The following MICU1 variants were observed in gnomAD, a reference collection of about 807,000 sequenced individuals.
MICU1 encodes the protein mitochondrial calcium uptake 1.
MICU1 carries 45 observed loss-of-function variants against 56.8 expected under a neutral mutation model. That is an observed-to-expected ratio of 0.79 (90% CI 0.62 to 1.02). MICU1 has a LOEUF of 1.02. Ranked by LOEUF, MICU1 falls within the 50% of genes least tolerant of loss-of-function variation. MICU1 has a pLI of 0.00. For missense variants in MICU1, 504 were observed against 587.1 expected, an observed-to-expected ratio of 0.86 and a Z score of 1.46; for synonymous variants, 186 against 195.1, an observed-to-expected ratio of 0.95 and a Z score of 0.39.
At position 72,370,051 on chromosome 10, in the gene MICU1, T is replaced by C. The variant is rs539902963; in HGVS notation, c.1271-1696A>G. ...GCCATCATGCCCAGCTAATTTTTTT[T>C]GTATTTTTAGTAGAGATGGGTTTCA... On this transcript the variant is annotated intron_variant, in intron 11 of 11. Coordinates refer to ENST00000361114, the MANE Select transcript of MICU1 (RefSeq NM_001195518.2). 4.6e-5 allele frequency among the ~76,000 whole-genome samples: 7 copies of C among 152,266 alleles called. No homozygotes were observed. In the East Asian group the frequency reaches 7.7e-4, roughly 17 times the overall value.
At chr10:72,372,525 G>T (rs771280478) in intron 11 of MICU1, among the ~76,000 whole-genome samples, 18 of 151,858 alleles carry the variant, frequency 1.2e-4, no homozygotes, top group Non-Finnish European at 2.4e-4. Context: ...TTCTAAACAG[G>T]ATTCTTACAC....
chr10:72,600,135 T>C (rs942077965), intron 1 of MICU1, among the ~76,000 whole-genome samples: 1 of 150,774 alleles, frequency 6.6e-6, no homozygotes, highest in Non-Finnish European at 1.5e-5. Context: ...CTACCAAAAA[T>C]ACAAAAATTA....
At chr10:72,523,694 A>G in intron 5 of MICU1, 1 of 677,700 alleles carries the variant, frequency 1.5e-6, no homozygotes. Flanking sequence ...TATTTTTAAG[A>G]CTGCCAGCCA....
At chr10:72,485,881 T>TCACA (rs551067437) in intron 6 of MICU1, among the ~76,000 whole-genome samples, 23 of 147,756 alleles carry the variant, frequency 1.6e-4, no homozygotes, top group African/African-American at 5.2e-4. Context: ...AAAAGGTCAG[T>TCACA]CACACACACA....
chr10:72,421,016 A>AATAAT lies in MICU1; in HGVS notation c.1071+2217_1071+2218insATTAT, dbSNP rs780940697. Reference sequence around the variant, plus strand: ...AAACTCCGTCTCAAAAAAAAAAAAAAAATAATAATAATAATAATAATAATA... The same window carrying AATAAT: ...AAACTCCGTCTCAAAAAAAAAAAAAAATAATAATAATAATAATAATAATAATAATA... On this transcript the variant is annotated intron_variant, in intron 9 of 11. Coordinates refer to ENST00000361114, the MANE Select transcript of MICU1 (RefSeq NM_001195518.2). Among the ~76,000 whole-genome samples, 206 of 124,120 alleles carry AATAAT rather than the reference A, an allele frequency of 1.7e-3. 1 individual carries two copies. Among genetic ancestry groups the AATAAT allele is most frequent in the Middle Eastern group, 4.0e-3 (1 of 252 alleles). 81.4% of individuals were successfully genotyped at this position (124,120 alleles called of 152,430 possible).
At chr10:72,421,568 C>T (rs181541433) in intron 9 of MICU1, among the ~76,000 whole-genome samples, 33 of 152,316 alleles carry the variant, frequency 2.2e-4, no homozygotes, top group African/African-American at 6.5e-4. Flanking sequence ...AGCCACCGTG[C>T]GCAGCCACCA....
intron 8 of MICU1, among the ~76,000 whole-genome samples, chr10:72,440,857 C>A (rs540769211): frequency 6.6e-6 from 1 of 151,974 alleles, no homozygotes; most frequent in African/African-American, 2.4e-5. Flanking sequence ...GAGATACCAT[C>A]TCATGCCAGT....
At chr10:72,415,016 T>G (rs78066053) in intron 9 of MICU1, among the ~76,000 whole-genome samples, 1 of 146,568 alleles carries the variant, frequency 6.8e-6, no homozygotes, top group Non-Finnish European at 1.5e-5. Flanking sequence ...CTGCTTAGTT[T>G]TTTTTTTTTT....
chr10:72,590,391 C>T (rs1016118293), intron 1 of MICU1, among the ~76,000 whole-genome samples: 2 of 151,964 alleles, frequency 1.3e-5, no homozygotes, highest in African/African-American at 4.8e-5. Context: ...TAATGACAGG[C>T]CATCAAAATA....
chr10:72,514,633 C>T (rs1439365749), intron 5 of MICU1, among the ~76,000 whole-genome samples: 6 of 152,076 alleles, frequency 3.9e-5, no homozygotes, highest in Non-Finnish European at 5.9e-5. Context: ...ATGCCTGGAG[C>T]GAAAGGGGTA....
intron 5 of MICU1, among the ~76,000 whole-genome samples, chr10:72,521,824 G>A (rs1867831026): frequency 6.6e-6 from 1 of 151,942 alleles, no homozygotes. Flanking sequence ...TATCCACTAA[G>A]TTAACTTGAA....
intron 10 of MICU1, among the ~76,000 whole-genome samples, chr10:72,389,086 G>C (rs1466515649): frequency 6.6e-6 from 1 of 152,238 alleles, no homozygotes; most frequent in African/African-American, 2.4e-5. Context: ...TAGTGTTCCA[G>C]ATGTGTGATG....
Position 72,554,746 on chromosome 10 carries a change from G to A in MICU1, c.331-3405C>T, listed in dbSNP as rs149232605. 4.1e-3 allele frequency among the ~76,000 whole-genome samples: 629 copies of A among 152,312 alleles called. 3 individuals carry two copies. Among genetic ancestry groups the A allele is most frequent in the Middle Eastern group, 0.014 (4 of 294 alleles). Reference sequence around the variant, plus strand: ...AATACAGACATTGGCCAGGCGCCGTGGCTCATGCCTGTAATCCCAGCACTT... The same window carrying A: ...AATACAGACATTGGCCAGGCGCCGTAGCTCATGCCTGTAATCCCAGCACTT... On this transcript the variant is annotated intron_variant, in intron 3 of 11. Coordinates refer to ENST00000361114, the MANE Select transcript of MICU1 (RefSeq NM_001195518.2).
intron 1 of MICU1, among the ~76,000 whole-genome samples, chr10:72,612,011 C>CAAAAA (rs55767300): frequency 8.3e-6 from 1 of 119,926 alleles, no homozygotes; most frequent in African/African-American, 3.1e-5. Context: ...ACCAACCAAC[C>CAAAAA]AAAAAAAAAA....
chr10:72,494,854 A>AAC (rs1866785042), intron 6 of MICU1, among the ~76,000 whole-genome samples: 1 of 152,026 alleles, frequency 6.6e-6, no homozygotes, highest in African/African-American at 2.4e-5. Context: ...AAAAAAAAAA[A>AAC]AACAAAACAA....
chr10:72,472,571 GA>G (rs973184436), intron 8 of MICU1, among the ~76,000 whole-genome samples: 8 of 148,522 alleles, frequency 5.4e-5, no homozygotes, highest in South Asian at 4.3e-4. Context: ...TAAAGGTATT[GA>G]AAAAAAAATC....
intron 9 of MICU1, among the ~76,000 whole-genome samples, chr10:72,408,403 C>A (rs572834412): frequency 2.0e-5 from 3 of 152,088 alleles, no homozygotes; most frequent in Non-Finnish European, 4.4e-5. Flanking sequence ...CCGCCTCCTA[C>A]GTTCAAGCAA....
intron 6 of MICU1, among the ~76,000 whole-genome samples, chr10:72,500,086 T>C (rs1866973426): frequency 6.6e-6 from 1 of 151,786 alleles, no homozygotes; most frequent in African/African-American, 2.4e-5. Flanking sequence ...TCTAAAGAGA[T>C]AATCAAAATG....
chr10:72,539,388 T>G lies in MICU1; in HGVS notation c.494-5599A>C, dbSNP rs78099883. 3.0e-3 allele frequency among the ~76,000 whole-genome samples: 461 copies of G among 152,276 alleles called. 3 individuals are homozygous for G. Among genetic ancestry groups the G allele is most frequent in the East Asian group, 0.028 (144 of 5,184 alleles). On this transcript the variant is annotated intron_variant, in intron 4 of 11. Coordinates refer to ENST00000361114, the MANE Select transcript of MICU1 (RefSeq NM_001195518.2). Reference sequence around the variant, plus strand: ...TTAAGAAGACTGAAACTGTATCAAATATCTTTTCTGACCACAATGATATAT... The same window carrying G: ...TTAAGAAGACTGAAACTGTATCAAAGATCTTTTCTGACCACAATGATATAT...
Sources: allele counts gnomAD v4.1 joint callset (sites outside exome capture counted in the v4.1 genomes callset), GRCh38; gene constraint gnomAD v4.1.1; transcripts MANE v1.5; gene names NCBI Gene and HGNC (gene_info 2026-07-23, HGNC 2026-07-21).